The following ST3GAL1 variants were observed in gnomAD, a reference collection of about 807,000 sequenced individuals.
The protein encoded by ST3GAL1 is CMP-N-acetylneuraminate-beta-galactosamide-alpha-2,3-sialyltransferase 1.
Under a neutral mutation model 34.1 loss-of-function variants are expected in ST3GAL1, and 16 were observed. That is an observed-to-expected ratio of 0.47 (90% CI 0.32 to 0.71). The LOEUF (loss-of-function observed/expected upper bound fraction) is 0.71. Ranked by LOEUF, ST3GAL1 falls within the 30% of genes least tolerant of loss-of-function variation. The pLI is 0.04. For missense variants in ST3GAL1, 353 were observed against 447.4 expected (o/e 0.79, Z 1.90); for synonymous variants, 191 against 184.7 (o/e 1.03, Z -0.28).
rs958174725 is a variant in ST3GAL1 at position 133,571,721 on chromosome 8, G to A, written c.-610C>T. The stretch of plus-strand genomic sequence containing the variant: ...GGCTGGAGACACGCTGGAGTTTCCG[G>A]GATTTGGGCATGAAGGGGTTCGGAG... On this transcript the variant is annotated 5_prime_UTR_variant, in exon 1 of 10. Coordinates refer to ENST00000522652, the MANE Select transcript of ST3GAL1 (RefSeq NM_173344.3). The surrounding 1 kb of genome is among the most constrained non-coding windows in gnomAD (Gnocchi z 6.7). The A allele has an allele frequency of 6.6e-6, 1 of 152,484 alleles. No individual in the cohort carries two copies. The highest frequency in any genetic ancestry group is 2.1e-4 in the South Asian group (1 of 4,832). 9.4% of individuals were successfully genotyped at this position (152,484 alleles called of 1,614,324 possible). A position where few individuals can be genotyped will look rare whatever the true frequency, so the allele number is the denominator to read the frequency against.
In ST3GAL1 at chr8:133,469,569, C is replaced by T. The variant is rs959381302; in HGVS notation, c.307-3479G>A. 3.3e-5 allele frequency among the ~76,000 whole-genome samples: 5 copies of T among 152,166 alleles called. No individual in the cohort carries two copies. Among genetic ancestry groups the T allele is most frequent in the African/African-American group, 9.7e-5 (4 of 41,422 alleles). ...AAGGAAACCTCTCATCTCTACCACA[C>T]GTAGAAAGCAAGAATTACCTGGCAG... On this transcript the variant is annotated intron_variant, in intron 5 of 9. Coordinates refer to ENST00000522652, the MANE Select transcript of ST3GAL1 (RefSeq NM_173344.3). This position sits in a 1 kb window ranked among gnomAD's most constrained non-coding sequence, Gnocchi z 4.3.
rs953357309 is a variant in ST3GAL1, at chr8:133,458,943, T to C, written c.*821A>G. On this transcript the variant is annotated 3_prime_UTR_variant, in exon 10 of 10. Transcript: ENST00000522652. ...CTCTGTTGCCCAGGCTGGAGTGCAGTGGTGTGATCACAGCCCACTGCAGCC... is the reference window on the plus strand; with the variant it reads ...CTCTGTTGCCCAGGCTGGAGTGCAGCGGTGTGATCACAGCCCACTGCAGCC... 6.6e-6 allele frequency: 1 copy of C among 150,786 alleles called. No individual in the cohort carries two copies. Among genetic ancestry groups the C allele is most frequent in the Non-Finnish European group, 1.5e-5 (1 of 67,812 alleles). The allele number at this position is 150,786 out of a possible 1,614,324, so 9.3% of individuals were successfully genotyped here.
chr8:133,534,674 AAGTCGG>A (rs1818256665), intron 2 of ST3GAL1, among the ~76,000 whole-genome samples: 1 of 152,258 alleles, frequency 6.6e-6, no homozygotes, highest in Admixed American at 6.5e-5. Flanking sequence ...GGCTGGAGGC[AAGTCGG>A]AGGAGCTAAA....
rs1432918720 is a variant in ST3GAL1 at position 133,571,088 on chromosome 8, C to T, written c.-582+605G>A. 1.3e-5 allele frequency among the ~76,000 whole-genome samples: 2 copies of T among 152,318 alleles called. No homozygotes were observed. The highest frequency in any genetic ancestry group is 1.9e-4 in the East Asian group (1 of 5,162). ...GAGCAGCGCGCTCTGACGGCGTCCC[C>T]GGGGCCGATAGCCACCTCCCGGATC... On this transcript the variant is annotated intron_variant, in intron 1 of 9. Transcript: ENST00000522652. The surrounding 1 kb of genome is among the most constrained non-coding windows in gnomAD (Gnocchi z 6.7).
In ST3GAL1 at chr8:133,570,550, C is replaced by A. The variant is rs145409662; in HGVS notation, c.-582+1143G>T. Reference sequence around the variant, plus strand: ...AGGAGCGAGTCAGGGCTCCAGCTGACGAGCAGAGCCAGACGATCCCCACAC... The same window carrying A: ...AGGAGCGAGTCAGGGCTCCAGCTGAAGAGCAGAGCCAGACGATCCCCACAC... On this transcript the variant is annotated intron_variant, in intron 1 of 9. Coordinates refer to ENST00000522652, the MANE Select transcript of ST3GAL1 (RefSeq NM_173344.3). This position sits in a 1 kb window ranked among gnomAD's most constrained non-coding sequence, Gnocchi z 5.6. 3.4e-3 allele frequency among the ~76,000 whole-genome samples: 515 copies of A among 152,178 alleles called. 6 individuals carry two copies. Among genetic ancestry groups the A allele is most frequent in the African/African-American group, 0.012 (490 of 41,530 alleles).
intron 1 of ST3GAL1, among the ~76,000 whole-genome samples, chr8:133,554,500 C>A (rs1207198246): frequency 1.3e-5 from 2 of 152,064 alleles, no homozygotes; most frequent in African/African-American, 4.8e-5. Context: ...GAGATGGGCC[C>A]TTTCTGAAAG....
intron 5 of ST3GAL1, among the ~76,000 whole-genome samples, chr8:133,472,752 C>T (rs1296712563): frequency 4.0e-5 from 6 of 151,736 alleles, no homozygotes; most frequent in African/African-American, 1.5e-4. Flanking sequence ...CCACCAGAGG[C>T]TAAACTTCAG....
At chr8:133,558,113 GAGAA>G (rs1421705865) in intron 1 of ST3GAL1, among the ~76,000 whole-genome samples, 2 of 152,174 alleles carry the variant, frequency 1.3e-5, no homozygotes, top group African/African-American at 2.4e-5. Flanking sequence ...AGCTTTGAAT[GAGAA>G]AGAGCCTTCT....
intron 8 of ST3GAL1, among the ~76,000 whole-genome samples, chr8:133,462,361 G>A (rs1815545084): frequency 6.6e-6 from 1 of 152,150 alleles, no homozygotes; most frequent in Admixed American, 6.5e-5. Context: ...GACACTGTCA[G>A]TGAGTGAAGA....
At chr8:133,519,139 A>T (rs1363489960) in intron 2 of ST3GAL1, among the ~76,000 whole-genome samples, 2 of 152,196 alleles carry the variant, frequency 1.3e-5, no homozygotes, top group East Asian at 3.8e-4. Context: ...ATGAAGGTCT[A>T]GGGCCTCATT....
intron 2 of ST3GAL1, among the ~76,000 whole-genome samples, chr8:133,513,345 A>G (rs1003212656): frequency 6.6e-6 from 1 of 152,130 alleles, no homozygotes; most frequent in African/African-American, 2.4e-5. Context: ...GTGAGCACTC[A>G]TCACTGCTGG....
chr8:133,520,762 A>AT (rs1817780507), intron 2 of ST3GAL1, among the ~76,000 whole-genome samples: 1 of 133,830 alleles, frequency 7.5e-6, no homozygotes, highest in South Asian at 2.4e-4. Context: ...TTATCATGTT[A>AT]TTTTTTGTGG....
intron 2 of ST3GAL1, among the ~76,000 whole-genome samples, chr8:133,536,650 C>A (rs1157883690): frequency 6.6e-6 from 1 of 152,162 alleles, no homozygotes; most frequent in Non-Finnish European, 1.5e-5. Context: ...CATGTCCTGC[C>A]ACAGGCCCAT....
intron 2 of ST3GAL1, among the ~76,000 whole-genome samples, chr8:133,541,168 C>T (rs1205712129): frequency 9.6e-6 from 1 of 103,880 alleles, no homozygotes; most frequent in South Asian, 3.5e-4. Flanking sequence ...GTGTCTCTCC[C>T]TCTTTCTCAC....
intron 3 of ST3GAL1, among the ~76,000 whole-genome samples, chr8:133,498,905 G>A (rs1376511973): frequency 3.3e-5 from 5 of 152,184 alleles, no homozygotes; most frequent in African/African-American, 7.2e-5. Flanking sequence ...GGTTTGTCCC[G>A]GCCACGGCAC....
At position 133,475,711 on chromosome 8, in the gene ST3GAL1, C is replaced by T. The variant is rs770882183; in HGVS notation, c.306+8G>A. On this transcript the variant is annotated splice_region_variant and intron_variant, in intron 5 of 9. Coordinates refer to ENST00000522652, the MANE Select transcript of ST3GAL1 (RefSeq NM_173344.3). ...CAGCCCAGACCCCGCTCTCAGGCAG[C>T]ATCTCACCAGCCACCATCGGTAGGT... 2.5e-6 allele frequency: 4 copies of T among 1,579,536 alleles called. No individual in the cohort carries two copies. The South Asian group carries it at 4.7e-5, about 18-fold the overall frequency.
At chr8:133,535,100 G>T (rs1818271080) in intron 2 of ST3GAL1, among the ~76,000 whole-genome samples, 1 of 152,196 alleles carries the variant, frequency 6.6e-6, no homozygotes, top group South Asian at 2.1e-4. Context: ...TCCCGGAAGA[G>T]ACAACGCTAA....
chr8:133,562,802 C>T (rs5001702), intron 1 of ST3GAL1, among the ~76,000 whole-genome samples: 1 of 26,104 alleles, frequency 3.8e-5, no homozygotes. Flanking sequence ...TCTTTCCTTC[C>T]TTCCTTCCTT....
chr8:133,569,093 G>C (rs1402868610), intron 1 of ST3GAL1, among the ~76,000 whole-genome samples: 1 of 152,266 alleles, frequency 6.6e-6, no homozygotes, highest in African/African-American at 2.4e-5. Context: ...TTCTAGCAAC[G>C]CTTCCTGTTT....
Sources: gnomAD v4.1 joint callset for allele counts (sites outside exome capture counted in the v4.1 genomes callset) on GRCh38, gnomAD v4.1.1 for gene constraint, Gnocchi (gnomAD v3.1) non-coding constraint, MANE v1.5 for transcripts, NCBI Gene and HGNC (gene_info 2026-07-23, HGNC 2026-07-21) for gene names.